Variants in GLIS1 observed in about 807,000 individuals in gnomAD.
GLIS1 encodes zinc finger protein GLIS1.
In GLIS1, 24 loss-of-function variants were observed where a neutral mutation model predicts 63.8. The observed-to-expected ratio is 0.38, with a 90% CI of 0.27 to 0.53. The LOEUF (loss-of-function observed/expected upper bound fraction) is 0.53, where lower values mean the gene tolerates loss of function less well. GLIS1 is among the 20% of genes least tolerant of loss of function. GLIS1 has a pLI of 0.85. For synonymous variants in GLIS1, 450 were observed against 482.5 expected (o/e 0.93, Z 0.88); for missense variants, 1,036 against 1,074.1 (o/e 0.96, Z 0.50).
intron 2 of GLIS1, among the ~76,000 whole-genome samples, chr1:53,677,224 G>A (rs1159362506): frequency 1.3e-5 from 2 of 151,720 alleles, no homozygotes; most frequent in African/African-American, 2.4e-5. Flanking sequence ...TGGGAGTTAC[G>A]GTTGCTACAT....
intron 2 of GLIS1, among the ~76,000 whole-genome samples, chr1:53,648,334 G>A (rs1435716898): frequency 6.6e-6 from 1 of 152,060 alleles, no homozygotes; most frequent in East Asian, 1.9e-4. Context: ...CACCAGAATG[G>A]CTAAAATTTA....
intron 2 of GLIS1, among the ~76,000 whole-genome samples, chr1:53,677,815 C>A (rs1003035204): frequency 1.3e-5 from 2 of 152,230 alleles, no homozygotes; most frequent in African/African-American, 4.8e-5. Flanking sequence ...AGGCGTTCCT[C>A]CAAGCCTTCT....
At chr1:53,623,162 T>C (rs1252182893) in intron 2 of GLIS1, among the ~76,000 whole-genome samples, 2 of 152,202 alleles carry the variant, frequency 1.3e-5, no homozygotes, top group African/African-American at 2.4e-5. Flanking sequence ...GAATCTGATA[T>C]CTGCTTTTTA....
At chr1:53,620,793 G>C (rs141744082) in intron 2 of GLIS1, among the ~76,000 whole-genome samples, 1 of 152,340 alleles carries the variant, frequency 6.6e-6, no homozygotes, top group Non-Finnish European at 1.5e-5. Context: ...AGGACGAACA[G>C]GACCCAGCCT....
chr1:53,594,619 G>A lies in GLIS1; in HGVS notation c.809C>T (p.Thr270Met), dbSNP rs369266481. ...TCCATTTACACAGGTGACCAGAGAC[G>A]TCTGGGAGGAGCGGATGATGGAGGT... Reference protein sequence around the residue: ...DVTSIIRSSQTSLVTCVNGLR... With the variant: ...DVTSIIRSSQMSLVTCVNGLR... Residue 270 changes from threonine to methionine, a missense_variant, in exon 4 of 11, where the codon ACG becomes ATG. Thr to Met is a moderately conservative substitution (Grantham distance 81). Coordinates refer to ENST00000628545, the MANE Select transcript of GLIS1 (RefSeq NM_001367484.1). The A allele has an allele frequency of 2.4e-5, 38 of 1,571,020 alleles. No homozygotes were observed. The highest frequency in any genetic ancestry group is 2.9e-5 in the Non-Finnish European group (34 of 1,155,720).
intron 8 of GLIS1, among the ~76,000 whole-genome samples, chr1:53,512,959 T>C (rs994922185): frequency 1.3e-5 from 2 of 152,158 alleles, no homozygotes; most frequent in African/African-American, 4.8e-5. Context: ...CAGGCGTGTG[T>C]ACGGCCCTCA....
intron 2 of GLIS1, among the ~76,000 whole-genome samples, chr1:53,677,566 G>A (rs1027228690): frequency 2.0e-5 from 3 of 152,264 alleles, no homozygotes; most frequent in Non-Finnish European, 4.4e-5. Flanking sequence ...ATAAAAATGT[G>A]TTTTTTCTTG....
At chr1:53,524,101 A>G (rs1166333822) in intron 6 of GLIS1, among the ~76,000 whole-genome samples, 2 of 152,216 alleles carry the variant, frequency 1.3e-5, no homozygotes. Flanking sequence ...ATAAACCGTC[A>G]TTTACTCCTG....
chr1:53,703,500 A>T (rs953193970), intron 2 of GLIS1, among the ~76,000 whole-genome samples: 1 of 152,136 alleles, frequency 6.6e-6, no homozygotes. Context: ...TTACCCAGGC[A>T]TGGTGATGTA....
At chr1:53,604,100 C>A (rs1306306790) in intron 2 of GLIS1, among the ~76,000 whole-genome samples, 1 of 152,234 alleles carries the variant, frequency 6.6e-6, no homozygotes, top group African/African-American at 2.4e-5. Flanking sequence ...GAACACAATG[C>A]ATTTGGCATG....
At chr1:53,689,772 C>T (rs1216994908) in intron 2 of GLIS1, among the ~76,000 whole-genome samples, 2 of 152,184 alleles carry the variant, frequency 1.3e-5, no homozygotes, top group Non-Finnish European at 2.9e-5. Flanking sequence ...TTACCCCCAC[C>T]AGGCCCCTCT....
chr1:53,735,198 C>T (rs531299935), intron 2 of GLIS1, among the ~76,000 whole-genome samples: 1 of 152,320 alleles, frequency 6.6e-6, no homozygotes, highest in Admixed American at 6.5e-5. Flanking sequence ...TGGCACCTCT[C>T]AGCCTCCCCT....
intron 4 of GLIS1, among the ~76,000 whole-genome samples, chr1:53,583,089 TC>T (rs1335817971): frequency 6.6e-6 from 1 of 152,124 alleles, no homozygotes; most frequent in Admixed American, 6.5e-5. Context: ...AAGAATACAC[TC>T]ACATTTAAAT....
chr1:53,572,756 G>A (rs1162865039), intron 4 of GLIS1, among the ~76,000 whole-genome samples: 2 of 152,238 alleles, frequency 1.3e-5, no homozygotes, highest in Non-Finnish European at 1.5e-5. Context: ...GAGCTCTGGG[G>A]ACAGAAACAT....
rs540142 is a variant in GLIS1, at chr1:53,558,634, G to T, written c.1321-28682C>A. Among the ~76,000 whole-genome samples the T allele has an allele frequency of 3.4e-3, 523 of 152,294 alleles. 5 individuals carry two copies. The highest frequency in any genetic ancestry group is 0.01 in the African/African-American group (418 of 41,564). The stretch of plus-strand genomic sequence containing the variant: ...CCCACTAGACTGGGGCAAGCAGGGT[G>T]TCCCAAGGTCAAGCAGGGTGTCCCA... On this transcript the variant is annotated intron_variant, in intron 4 of 10. Coordinates refer to ENST00000628545, the MANE Select transcript of GLIS1 (RefSeq NM_001367484.1).
At chr1:53,641,795 C>T (rs923378516) in intron 2 of GLIS1, among the ~76,000 whole-genome samples, 9 of 152,200 alleles carry the variant, frequency 5.9e-5, no homozygotes, top group Admixed American at 1.3e-4. Flanking sequence ...TGGGAAGGAA[C>T]GGTCCATCTG....
chr1:53,718,629 C>T (rs1305640292), intron 2 of GLIS1, among the ~76,000 whole-genome samples: 1 of 152,060 alleles, frequency 6.6e-6, no homozygotes, highest in Non-Finnish European at 1.5e-5. Context: ...AACAGCTTTA[C>T]CATCTCCAGC....
rs956831411 is a variant in GLIS1 at position 53,509,398 on chromosome 1, G to A, written c.2063-111C>T. 4 of 1,180,944 alleles carry A rather than the reference G, an allele frequency of 3.4e-6. No individual in the cohort carries two copies. The African/African-American group carries it at 4.5e-5, about 13-fold the overall frequency. 73.2% of individuals were successfully genotyped at this position (1,180,944 alleles called of 1,614,324 possible). ...TCCCGTGTTGTCCTGTCCAGGCATT[G>A]TGGGTGTGAGAGAGAGAGGAGGGCC... On this transcript the variant is annotated intron_variant, in intron 9 of 10. Coordinates refer to ENST00000628545, the MANE Select transcript of GLIS1 (RefSeq NM_001367484.1).
rs141358675 is a variant in GLIS1 at position 53,686,818 on chromosome 1, G to A, written c.259+50988C>T. Among the ~76,000 whole-genome samples, 1,108 of 152,206 alleles carry A rather than the reference G, an allele frequency of 7.3e-3. 5 individuals carry two copies. The highest frequency in any genetic ancestry group is 0.041 in the Middle Eastern group (12 of 294). ...GGGAAATGTTCCAGGTGGCCTGAAC[G>A]GTGGCGGGGGTGGGGCAATAAGTTT... On this transcript the variant is annotated intron_variant, in intron 2 of 10. Coordinates refer to ENST00000628545, the MANE Select transcript of GLIS1 (RefSeq NM_001367484.1).
Sources: gnomAD v4.1 joint callset for allele counts (sites outside exome capture counted in the v4.1 genomes callset) on GRCh38, gnomAD v4.1.1 for gene constraint, MANE v1.5 for transcripts, NCBI Gene and HGNC (gene_info 2026-07-23, HGNC 2026-07-21) for gene names.